The following WDR88 variants were observed in gnomAD, a reference collection of about 807,000 sequenced individuals.
The protein encoded by WDR88 is WD repeat domain 88.
Under a neutral mutation model 46.8 loss-of-function variants are expected in WDR88, and 40 were observed. The ratio of observed to expected loss-of-function variants is 0.86; its 90% CI spans 0.66 to 1.11. The LOEUF is 1.11. Among genes scored for constraint, WDR88 ranks in the 50% most tolerant of loss-of-function variants. WDR88 has a pLI of 0.00. For missense variants in WDR88, 562 were observed against 602.4 expected (o/e 0.93, Z 0.70); for synonymous variants, 235 against 240.7 (o/e 0.98, Z 0.22).
At chr19:33,171,826 T>G (rs1974043500) in intron 9 of WDR88, among the ~76,000 whole-genome samples, 1 of 152,192 alleles carries the variant, frequency 6.6e-6, no homozygotes, top group African/African-American at 2.4e-5. Context: ...CAGGCTTGAG[T>G]GCAGTGGTGC....
At chr19:33,156,182 A>G (rs914609504) in intron 6 of WDR88, among the ~76,000 whole-genome samples, 173 bp from the exon 7 acceptor site, 3 of 152,238 alleles carry the variant, frequency 2.0e-5, no homozygotes, top group African/African-American at 7.2e-5. Flanking sequence ...ACATGAGCTC[A>G]CAGGAGATGC....
intron 9 of WDR88, among the ~76,000 whole-genome samples, chr19:33,170,754 C>A (rs760076151): frequency 1.3e-5 from 2 of 151,740 alleles, no homozygotes; most frequent in Non-Finnish European, 2.9e-5. Flanking sequence ...CCCAGCTATT[C>A]GGGGGGCCAA....
chr19:33,137,012 C>T (rs1042454390), intron 1 of WDR88, among the ~76,000 whole-genome samples: 11 of 152,034 alleles, frequency 7.2e-5, no homozygotes, highest in African/African-American at 2.2e-4. Context: ...CTCACTGTAA[C>T]GTTAACCTTC....
intron 1 of WDR88, among the ~76,000 whole-genome samples, chr19:33,135,386 A>G (rs901473601): frequency 7.2e-4 from 110 of 152,008 alleles, no homozygotes; most frequent in African/African-American, 2.4e-3. Context: ...TTCCCTTTTC[A>G]TTACCAAGTA....
chr19:33,173,922 C>A (rs935522845), intron 10 of WDR88, among the ~76,000 whole-genome samples: 4 of 152,186 alleles, frequency 2.6e-5, no homozygotes, highest in Admixed American at 2.6e-4. Context: ...GCGATCTCGT[C>A]TCACTGCAAC....
At chr19:33,137,586 T>C (rs1973299669) in intron 1 of WDR88, 91 bp from the exon 2 acceptor site, 7 of 1,190,212 alleles carry the variant, frequency 5.9e-6, no homozygotes, top group Non-Finnish European at 8.4e-6. Context: ...CCGGGTGGTT[T>C]ATTGCAAGTG....
intron 8 of WDR88, among the ~76,000 whole-genome samples, chr19:33,163,932 C>A (rs1973912297): frequency 6.6e-6 from 1 of 151,976 alleles, no homozygotes; most frequent in East Asian, 1.9e-4. Context: ...CTGCACTCAG[C>A]CAGCTACTCT....
intron 7 of WDR88, among the ~76,000 whole-genome samples, chr19:33,157,002 C>T (rs1304435302): frequency 6.6e-6 from 1 of 152,008 alleles, no homozygotes; most frequent in Non-Finnish European, 1.5e-5. Flanking sequence ...TCAAGACCAG[C>T]CTGGGCAACA....
intron 8 of WDR88, among the ~76,000 whole-genome samples, chr19:33,161,722 TG>T: frequency 6.6e-6 from 1 of 152,272 alleles, no homozygotes; most frequent in South Asian, 2.1e-4. Context: ...CCCAGCACTT[TG>T]GGAGGCTGAG....
At chr19:33,172,056 G>A (rs1470865729) in intron 9 of WDR88, among the ~76,000 whole-genome samples, 7 of 152,116 alleles carry the variant, frequency 4.6e-5, no homozygotes, top group African/African-American at 1.7e-4. Flanking sequence ...GAGCCACCGC[G>A]CCTGGCCATA....
At chr19:33,134,167 C>G (rs1345058418) in intron 1 of WDR88, among the ~76,000 whole-genome samples, 1 of 152,138 alleles carries the variant, frequency 6.6e-6, no homozygotes, top group Non-Finnish European at 1.5e-5. Flanking sequence ...CCCCTGGGAC[C>G]CCTTTACCTA....
intron 9 of WDR88, among the ~76,000 whole-genome samples, chr19:33,168,882 A>G (rs931189051): frequency 6.6e-6 from 1 of 152,206 alleles, no homozygotes; most frequent in Non-Finnish European, 1.5e-5. Context: ...AGTCTACAGT[A>G]ATTAAAACAG....
chr19:33,160,560 T>A (rs1973848548), intron 8 of WDR88, 64 bp downstream of exon 8: 1 of 1,547,594 alleles, frequency 6.5e-7, no homozygotes, highest in Non-Finnish European at 8.9e-7. Context: ...CTGTGCTCAA[T>A]GCTGGTTGCT....
At chr19:33,157,032 C>CA (rs1333156469) in intron 7 of WDR88, among the ~76,000 whole-genome samples, 1 of 151,828 alleles carries the variant, frequency 6.6e-6, no homozygotes, top group Non-Finnish European at 1.5e-5. Flanking sequence ...CCTGTCTCTA[C>CA]AAAAAAATTA....
At chr19:33,146,056 T>C (rs1267937) in intron 3 of WDR88, among the ~76,000 whole-genome samples, 152,014 of 152,258 alleles carry the variant, frequency 1, 75,891 homozygotes, top group Middle Eastern at 1. Flanking sequence ...GCTGGGAGGC[T>C]GAGGCGGGCG....
intron 9 of WDR88, among the ~76,000 whole-genome samples, chr19:33,166,877 C>A (rs539325148): frequency 7.2e-4 from 110 of 152,192 alleles, no homozygotes; most frequent in Non-Finnish European, 1.3e-3. Flanking sequence ...AATCATGCCA[C>A]TACATTCTAT....
chr19:33,137,776 G>A lies in WDR88; in HGVS notation c.376G>A (p.Val126Met). The change falls in exon 2 of 11, where the codon GTG (valine) becomes ATG (methionine). Residue 126 changes from valine (V) to methionine (M), a missense_variant. Physicochemically the swap from Val to Met is conservative, Grantham distance 21. Coordinates refer to ENST00000355868, the MANE Select transcript of WDR88 (RefSeq NM_173479.4). ...KLLSGSYDCT[V>M]KLWDPVDGSV... is the part of the protein sequence containing the mutation. The stretch of plus-strand genomic sequence containing the variant: ...CCTCAGTGGCTCCTATGACTGCACT[G>A]TGAAGCTGTGGGTAGGTGGCCGGCT... 6.2e-7 allele frequency: 1 copy of A among 1,613,098 alleles called. No individual in the cohort carries two copies. Among genetic ancestry groups the A allele is most frequent in the Non-Finnish European group, 8.5e-7 (1 of 1,179,902 alleles).
intron 1 of WDR88, 106 bp downstream of exon 1, chr19:33,132,551 G>C: frequency 1.3e-6 from 2 of 1,489,126 alleles, no homozygotes; most frequent in Non-Finnish European, 1.8e-6. Context: ...GCTTCACCAG[G>C]ACCCCCAGCG....
Position 33,164,185 on chromosome 19 carries a change from A to G in WDR88, c.1081-12A>G, listed in dbSNP as rs1312511442. The G allele has an allele frequency of 1.4e-5, 23 of 1,611,444 alleles. No homozygotes were observed. The highest frequency in any genetic ancestry group is 1.7e-5 in the Admixed American group (1 of 59,930). On this transcript the variant is annotated splice_polypyrimidine_tract_variant and intron_variant, in intron 8 of 10. Coordinates refer to ENST00000355868, the MANE Select transcript of WDR88 (RefSeq NM_173479.4). The stretch of plus-strand genomic sequence containing the variant: ...TTCTCCACGTTTTCATTAAAATTTG[A>G]TATTTCTTCAGGGCCATAATGACTG...
Sources: allele counts gnomAD v4.1 joint callset (sites outside exome capture counted in the v4.1 genomes callset), GRCh38; gene constraint gnomAD v4.1.1; transcripts MANE v1.5; gene names NCBI Gene and HGNC (gene_info 2026-07-23, HGNC 2026-07-21).